Variants in RIMS2 observed in about 807,000 individuals in gnomAD.
RIMS2 encodes regulating synaptic membrane exocytosis 2.
Under a neutral mutation model 174.4 loss-of-function variants are expected in RIMS2, and 59 were observed. The ratio of observed to expected loss-of-function variants is 0.34; its 90% confidence interval spans 0.27 to 0.42. RIMS2 has a LOEUF of 0.42. Ranked by LOEUF, RIMS2 falls within the 10% of genes least tolerant of loss-of-function variation. RIMS2 has a pLI of 1.00. For synonymous variants in RIMS2, 606 were observed against 572.5 expected, an observed-to-expected ratio of 1.06 and a Z score of -0.84; for missense variants, 1,620 against 1,666.3, an observed-to-expected ratio of 0.97 and a Z score of 0.48.
intron 17 of RIMS2, among the ~76,000 whole-genome samples, chr8:103,994,661 G>T (rs1013998425): frequency 1.2e-4 from 19 of 152,080 alleles, no homozygotes; most frequent in African/African-American, 4.1e-4. Context: ...ACCTTAGGTA[G>T]ATTTTAGAGG....
chr8:104,026,127 A>G (rs2096251996), intron 19 of RIMS2, among the ~76,000 whole-genome samples: 1 of 152,226 alleles, frequency 6.6e-6, no homozygotes, highest in Admixed American at 6.5e-5. Flanking sequence ...GCTATTTTTA[A>G]TCAAATGACT....
chr8:104,213,408 TAAC>T (rs1217136321), intron 19 of RIMS2, among the ~76,000 whole-genome samples: 4 of 152,220 alleles, frequency 2.6e-5, no homozygotes, highest in Admixed American at 6.5e-5. Flanking sequence ...TCATGGTACT[TAAC>T]AATAATTATG....
chr8:104,040,303 A>G (rs971338676), intron 19 of RIMS2, among the ~76,000 whole-genome samples: 2 of 151,648 alleles, frequency 1.3e-5, no homozygotes, highest in African/African-American at 2.4e-5. Flanking sequence ...ATTCAAAGCT[A>G]AGTGTTTAAA....
chr8:103,806,284 C>T (rs1467429184), intron 3 of RIMS2, among the ~76,000 whole-genome samples: 2 of 152,066 alleles, frequency 1.3e-5, no homozygotes, highest in Non-Finnish European at 2.9e-5. Context: ...AGGCTGAAGG[C>T]CTTGTTCTTT....
intron 5 of RIMS2, among the ~76,000 whole-genome samples, chr8:103,910,934 G>A (rs896746713): frequency 1.3e-5 from 2 of 152,150 alleles, no homozygotes; most frequent in African/African-American, 4.8e-5. Flanking sequence ...TGAATCCCAG[G>A]CAAAAGGGAG....
intron 19 of RIMS2, among the ~76,000 whole-genome samples, chr8:104,168,162 T>C (rs1390592268): frequency 6.6e-6 from 1 of 152,116 alleles, no homozygotes; most frequent in Non-Finnish European, 1.5e-5. Flanking sequence ...CTTTTTTGGT[T>C]CCATATAAAT....
intron 1 of RIMS2, among the ~76,000 whole-genome samples, chr8:103,622,039 A>T (rs1427489175): frequency 6.6e-6 from 1 of 152,182 alleles, no homozygotes; most frequent in Non-Finnish European, 1.5e-5. Flanking sequence ...TCATTTTTTA[A>T]AATTATCATT....
chr8:104,201,254 T>G (rs909739536), intron 19 of RIMS2, among the ~76,000 whole-genome samples: 3 of 152,194 alleles, frequency 2.0e-5, no homozygotes, highest in Admixed American at 2.0e-4. Flanking sequence ...TAATTAGATG[T>G]AGGTGCTTTG....
chr8:104,227,009 CATG>C (rs2099191901), intron 19 of RIMS2, among the ~76,000 whole-genome samples: 1 of 152,076 alleles, frequency 6.6e-6, no homozygotes. Flanking sequence ...CCTTTAATTT[CATG>C]ATAATTTTTC....
rs896774748 is a variant in RIMS2, at chr8:103,647,382, T to G, written c.177-49704T>G. Among the ~76,000 whole-genome samples the G allele has an allele frequency of 3.3e-5, 5 of 152,014 alleles. No homozygotes were observed. In the East Asian group the frequency reaches 9.6e-4, roughly 29 times the overall value. On this transcript the variant is annotated intron_variant, in intron 1 of 23. Coordinates refer to ENST00000504942, the Ensembl canonical transcript of RIMS2. ...GTTCATCAAGGACATTGGCCTGAGG[T>G]TTTTTGTGTTGTTGTATCTGTGCCA...
At chr8:103,717,129 T>A (rs980197354) in intron 2 of RIMS2, among the ~76,000 whole-genome samples, 46 of 146,416 alleles carry the variant, frequency 3.1e-4, no homozygotes, top group Admixed American at 2.8e-3. Context: ...AGTTTCTAAA[T>A]AGTGCCTTCT....
chr8:104,238,882 C>T (rs1353087617), intron 19 of RIMS2, among the ~76,000 whole-genome samples: 1 of 152,178 alleles, frequency 6.6e-6, no homozygotes, highest in African/African-American at 2.4e-5. Flanking sequence ...AATAGCAACT[C>T]GTTAAAGCAT....
chr8:103,921,880 C>T (rs947419201), intron 10 of RIMS2, 96 bp downstream of exon 13: 2 of 530,594 alleles, frequency 3.8e-6, no homozygotes, highest in Non-Finnish European at 6.7e-6. Flanking sequence ...ATTCCTAGAA[C>T]ATAATTGTGC....
At chr8:104,093,177 C>T (rs1159295673) in intron 19 of RIMS2, among the ~76,000 whole-genome samples, 1 of 151,798 alleles carries the variant, frequency 6.6e-6, no homozygotes, top group African/African-American at 2.4e-5. Flanking sequence ...TGTTTATTTC[C>T]CAGATCTTAC....
intron 2 of RIMS2, among the ~76,000 whole-genome samples, chr8:103,734,544 T>C (rs1223037674): frequency 6.6e-6 from 1 of 151,646 alleles, no homozygotes; most frequent in Non-Finnish European, 1.5e-5. Context: ...TCAGGTGAAA[T>C]AGTAGACACC....
chr8:103,565,302 T>C (rs574265355), intron 1 of RIMS2, among the ~76,000 whole-genome samples: 4 of 149,774 alleles, frequency 2.7e-5, no homozygotes, highest in South Asian at 2.1e-4. Flanking sequence ...GATTTTGTGC[T>C]GTTTAATGTT....
At chr8:103,726,175 C>T (rs1174056372) in intron 2 of RIMS2, among the ~76,000 whole-genome samples, 2 of 152,122 alleles carry the variant, frequency 1.3e-5, no homozygotes, top group Non-Finnish European at 2.9e-5. Flanking sequence ...GATGGAGTTA[C>T]ATCTAAATAA....
intron 3 of RIMS2, among the ~76,000 whole-genome samples, chr8:103,800,831 C>T (rs1421218263): frequency 6.6e-6 from 1 of 152,112 alleles, no homozygotes; most frequent in African/African-American, 2.4e-5. Flanking sequence ...GGAATGCTGG[C>T]CTCCTAAGAT....
chr8:103,613,594 G>C (rs969257109), intron 1 of RIMS2, among the ~76,000 whole-genome samples: 1 of 152,100 alleles, frequency 6.6e-6, no homozygotes, highest in Non-Finnish European at 1.5e-5. Context: ...GTTTCCTTTA[G>C]GTCTCCCTCT....
Sources: gnomAD v4.1 joint callset for allele counts (sites outside exome capture counted in the v4.1 genomes callset) on GRCh38, gnomAD v4.1.1 for gene constraint, MANE v1.5 for transcripts, NCBI Gene and HGNC (gene_info 2026-07-23, HGNC 2026-07-21) for gene names.